Variants in ANK1 observed in about 807,000 individuals in gnomAD.
ANK1 encodes the protein ankyrin 1.
Under a neutral mutation model 210.4 loss-of-function variants are expected in ANK1, and 51 were observed. The ratio of observed to expected loss-of-function variants is 0.24; its 90% CI spans 0.19 to 0.31. ANK1 has a LOEUF of 0.31. Ranked by LOEUF, ANK1 falls within the 10% of genes least tolerant of loss-of-function variation. The pLI, the probability that ANK1 is intolerant of heterozygous loss-of-function variation, is 1.00. For missense variants in ANK1, 2,051 were observed against 2,504.4 expected (o/e 0.82, Z 3.86); for synonymous variants, 967 against 1,025.9 (o/e 0.94, Z 1.10).
intron 1 of ANK1, among the ~76,000 whole-genome samples, chr8:41,781,809 G>C (rs1222162588): frequency 6.6e-6 from 1 of 152,156 alleles, no homozygotes; most frequent in East Asian, 1.9e-4. Context: ...GGGTCTCCAA[G>C]GCCAAGAGGG....
chr8:41,863,269 G>T (rs929185563), intron 1 of ANK1, among the ~76,000 whole-genome samples: 1 of 151,784 alleles, frequency 6.6e-6, no homozygotes, highest in African/African-American at 2.4e-5. Flanking sequence ...TGAGGCAGGA[G>T]AATGGCGTGA....
At chr8:41,827,353 A>G (rs1805566072) in intron 1 of ANK1, among the ~76,000 whole-genome samples, 1 of 152,338 alleles carries the variant, frequency 6.6e-6, no homozygotes, top group Admixed American at 6.5e-5. Context: ...CCGCCAGAGT[A>G]GCTGGCCAAG....
intron 22 of ANK1, chr8:41,700,599 G>C (rs903163199): frequency 1.2e-6 from 1 of 850,542 alleles, no homozygotes. Context: ...CCAGATGGAA[G>C]GGACCACTGA....
intron 2 of ANK1, among the ~76,000 whole-genome samples, chr8:41,745,197 A>G (rs1835816032): frequency 1.3e-5 from 2 of 152,178 alleles, no homozygotes; most frequent in Non-Finnish European, 1.5e-5. Context: ...AAGGAGGCAC[A>G]GAGAGAGGGA....
At chr8:41,763,229 A>T (rs1759598472) in intron 1 of ANK1, among the ~76,000 whole-genome samples, 2 of 151,642 alleles carry the variant, frequency 1.3e-5, no homozygotes, top group Admixed American at 6.6e-5. Context: ...AAAAAAAAAA[A>T]TTTATGACAG....
chr8:41,733,559 C>T (rs145283764), intron 3 of ANK1, among the ~76,000 whole-genome samples: 187 of 152,354 alleles, frequency 1.2e-3, no homozygotes, highest in Middle Eastern at 3.4e-3. Context: ...GTATTATTAT[C>T]TCCATTTTAC....
chr8:41,660,726 G>A (rs556269721), intron 42 of ANK1, among the ~76,000 whole-genome samples: 113 of 152,168 alleles, frequency 7.4e-4, no homozygotes, highest in Non-Finnish European at 1.4e-3. Flanking sequence ...CAGAAAGCAC[G>A]TCGTCCACCC....
chr8:41,745,694 T>C (rs1018245296), intron 2 of ANK1, among the ~76,000 whole-genome samples: 12 of 152,114 alleles, frequency 7.9e-5, no homozygotes, highest in Non-Finnish European at 1.8e-4. Context: ...CTATCTGTTC[T>C]GGTTTTTCCT....
chr8:41,699,390 T>G, intron 23 of ANK1, 62 bp downstream of exon 23: 4 of 1,492,118 alleles, frequency 2.7e-6, no homozygotes, highest in Non-Finnish European at 3.7e-6. Flanking sequence ...CTGGAATCCC[T>G]GCTCTGAGCC....
chr8:41,689,138 G>A (rs73617325), intron 33 of ANK1, among the ~76,000 whole-genome samples: 6,900 of 151,852 alleles, frequency 0.045, 468 homozygotes, highest in African/African-American at 0.15. Context: ...TTTTTTAAGA[G>A]CCAGGGTCTC....
At chr8:41,894,318 C>A (rs1011582777) in intron 1 of ANK1, among the ~76,000 whole-genome samples, 6 of 151,750 alleles carry the variant, frequency 4.0e-5, no homozygotes, top group Non-Finnish European at 7.4e-5. Flanking sequence ...CAGTATGCTG[C>A]GACCGGCTAG....
intron 1 of ANK1, among the ~76,000 whole-genome samples, chr8:41,877,896 A>G (rs912808806): frequency 6.6e-5 from 10 of 152,202 alleles, no homozygotes; most frequent in African/African-American, 2.2e-4. Flanking sequence ...TGCCTGAGGA[A>G]CAGAGCTAAG....
At chr8:41,697,705 A>G (rs865799018) in intron 24 of ANK1, 1 of 398,396 alleles carries the variant, frequency 2.5e-6, no homozygotes, top group African/African-American at 2.1e-5. Flanking sequence ...TCCAGTAAAC[A>G]TCTGCTGGCT....
At chr8:41,693,417 CTTTTTTTTTTTTTTTTTTTTTTT>C (rs71239074) in intron 29 of ANK1, among the ~76,000 whole-genome samples, 4 of 45,234 alleles carry the variant, frequency 8.8e-5, no homozygotes, top group African/African-American at 4.0e-4. Context: ...GGGGCATGGA[CTTTTTTTTTTTTTTTTTTTTTTT>C]TTTTTTTTTT....
chr8:41,796,173 G>A (rs1848697978), intron 1 of ANK1, among the ~76,000 whole-genome samples: 1 of 152,162 alleles, frequency 6.6e-6, no homozygotes, highest in Admixed American at 6.5e-5. Flanking sequence ...TCATAACCGA[G>A]TAACTCACTT....
chr8:41,661,971 T>C (rs201868631), intron 40 of ANK1, 30 bp from the exon 41 acceptor site: 82 of 1,612,206 alleles, frequency 5.1e-5, no homozygotes, highest in Non-Finnish European at 6.6e-5. Flanking sequence ...AGGAAAGGGC[T>C]GGTCAGGCCG....
intron 10 of ANK1, 40 bp downstream of exon 10, chr8:41,719,621 C>T: frequency 6.2e-7 from 1 of 1,613,384 alleles, no homozygotes; most frequent in Non-Finnish European, 8.5e-7. Context: ...CCCAGCCTGC[C>T]CTGCCACTCT....
At chr8:41,776,829 T>A (rs1844149986) in intron 1 of ANK1, among the ~76,000 whole-genome samples, 1 of 152,258 alleles carries the variant, frequency 6.6e-6, no homozygotes, top group Non-Finnish European at 1.5e-5. Flanking sequence ...CTTAAGCTCC[T>A]TTCAACGGGG....
chr8:41,883,179 T>C (rs1042372962), intron 1 of ANK1, among the ~76,000 whole-genome samples: 2 of 152,158 alleles, frequency 1.3e-5, no homozygotes, highest in Middle Eastern at 3.2e-3. Flanking sequence ...TTCATCAGCA[T>C]AGATTCCTCC....
Sources: allele counts gnomAD v4.1 joint callset (sites outside exome capture counted in the v4.1 genomes callset), GRCh38; gene constraint gnomAD v4.1.1; transcripts MANE v1.5; gene names NCBI Gene and HGNC (gene_info 2026-07-23, HGNC 2026-07-21).